The following DDX1 variants were observed in gnomAD, a reference collection of about 807,000 sequenced individuals.
DDX1 encodes DEAD-box helicase 1, also known as ATP-dependent RNA helicase DDX1.
In DDX1, 28 loss-of-function variants were observed where a neutral mutation model predicts 108.7. The ratio of observed to expected loss-of-function variants is 0.26; its 90% confidence interval spans 0.19 to 0.35. The LOEUF (loss-of-function observed/expected upper bound fraction) is 0.35, where lower values mean the gene tolerates loss of function less well. DDX1 is among the 10% of genes least tolerant of loss of function. The probability of loss-of-function intolerance (pLI) is 1.00; values close to 1 mark genes in which losing one functional copy is unlikely to be tolerated. For missense variants in DDX1, 710 were observed against 884.5 expected (o/e 0.80, Z 2.50); for synonymous variants, 295 against 288.9 (o/e 1.02, Z -0.21).
At chr2:15,592,539 C>T (rs941700399) in intron 1 of DDX1, among the ~76,000 whole-genome samples, 3 of 152,130 alleles carry the variant, frequency 2.0e-5, no homozygotes, top group Non-Finnish European at 2.9e-5. Context: ...CATTAACGTA[C>T]GCACCAGTCC....
intron 13 of DDX1, among the ~76,000 whole-genome samples, chr2:15,609,352 T>C (rs561796019): frequency 3.0e-4 from 45 of 152,360 alleles, no homozygotes; most frequent in Middle Eastern, 6.8e-3. Flanking sequence ...GACATTTTCT[T>C]TCTTAAAACC....
chr2:15,608,890 A>C (rs1439705268), intron 13 of DDX1, among the ~76,000 whole-genome samples: 1 of 152,146 alleles, frequency 6.6e-6, no homozygotes, highest in Non-Finnish European at 1.5e-5. Flanking sequence ...GAACAAACTT[A>C]TTTAGGGATA....
At position 15,591,879 on chromosome 2, in the gene DDX1, G is replaced by T. The variant is rs1280651642; in HGVS notation, c.-55G>T. 16 of 1,466,224 alleles carry T rather than the reference G, an allele frequency of 1.1e-5. No individual in the cohort carries two copies. In the South Asian group the frequency reaches 1.9e-4, roughly 17 times the overall value. The allele number at this position is 1,466,224 out of a possible 1,614,324, so 90.8% of individuals were successfully genotyped here. Reference sequence around the variant, plus strand: ...AAGCGCGCGCCGCCACTGCCACGCCGTGTCAGTCGGGAGGGAGGGAGCGAG... The same window carrying T: ...AAGCGCGCGCCGCCACTGCCACGCCTTGTCAGTCGGGAGGGAGGGAGCGAG... On this transcript the variant is annotated 5_prime_UTR_variant, in exon 1 of 26. Coordinates refer to ENST00000233084, the MANE Select transcript of DDX1 (RefSeq NM_004939.3).
intron 15 of DDX1, among the ~76,000 whole-genome samples, 191 bp from the exon 16 acceptor site, chr2:15,617,990 A>G (rs4668944): frequency 0.66 from 100,931 of 152,080 alleles, 34,514 homozygotes; most frequent in East Asian, 0.89. Context: ...TAGTCACAAG[A>G]AACTTAAAAT....
chr2:15,611,799 A>C (rs1243846798), intron 13 of DDX1, among the ~76,000 whole-genome samples: 1 of 66,096 alleles, frequency 1.5e-5, no homozygotes. Flanking sequence ...TGACCCCCCC[A>C]CCTCCCTCCC....
At chr2:15,593,308 C>A (rs1016069025) in intron 1 of DDX1, among the ~76,000 whole-genome samples, 4 of 152,102 alleles carry the variant, frequency 2.6e-5, no homozygotes, top group Non-Finnish European at 5.9e-5. Flanking sequence ...GATTTTAGAG[C>A]CAAGGTCTGT....
At chr2:15,596,397 G>A (rs1395112527) in intron 3 of DDX1, among the ~76,000 whole-genome samples, 1 of 152,174 alleles carries the variant, frequency 6.6e-6, no homozygotes, top group Non-Finnish European at 1.5e-5. Context: ...GAATTTGAGT[G>A]TTAGTCTTCT....
chr2:15,611,838 C>A (rs1198894722), intron 13 of DDX1, among the ~76,000 whole-genome samples: 2 of 101,838 alleles, frequency 2.0e-5, no homozygotes, highest in African/African-American at 4.8e-5. Context: ...GGCAGAGGGG[C>A]TCCTCACTTC....
intron 13 of DDX1, among the ~76,000 whole-genome samples, chr2:15,612,723 C>T (rs550676723): frequency 1.5e-3 from 234 of 152,338 alleles, no homozygotes; most frequent in African/African-American, 5.4e-3. Context: ...CAACATTGAG[C>T]ACTGAGTGAG....
intron 13 of DDX1, among the ~76,000 whole-genome samples, chr2:15,611,526 C>T (rs1202483642): frequency 1.4e-5 from 2 of 141,458 alleles, no homozygotes; most frequent in African/African-American, 2.7e-5. Context: ...GACCCCCCCA[C>T]CTCCCTCCCG....
chr2:15,630,202 G>A (rs1666170407), intron 25 of DDX1, 92 bp downstream of exon 25: 2 of 1,285,838 alleles, frequency 1.6e-6, no homozygotes, highest in Non-Finnish European at 1.1e-6. Context: ...ATTTCATTAG[G>A]TTAAGAGTAT....
chr2:15,603,075 C>T (rs1382198245), intron 7 of DDX1, 117 bp from the exon 8 acceptor site: 1 of 686,488 alleles, frequency 1.5e-6, no homozygotes, highest in African/African-American at 1.8e-5. Flanking sequence ...ACAAATATAC[C>T]TATAATTCTT....
At chr2:15,596,666 A>G in intron 3 of DDX1, 68 bp from the exon 4 acceptor site, 4 of 1,304,412 alleles carry the variant, frequency 3.1e-6, no homozygotes, top group South Asian at 1.2e-5. Flanking sequence ...TCTACATACT[A>G]TGGTGTTAGT....
At chr2:15,599,645 CTT>C (rs746744598) in intron 5 of DDX1, 22 bp from the exon 6 acceptor site, 5 of 1,579,484 alleles carry the variant, frequency 3.2e-6, no homozygotes, top group Non-Finnish European at 3.4e-6. Flanking sequence ...CTGTGGGTAA[CTT>C]TTCTTATTTT....
At chr2:15,593,042 T>A (rs1031815677) in intron 1 of DDX1, among the ~76,000 whole-genome samples, 5 of 152,084 alleles carry the variant, frequency 3.3e-5, no homozygotes, top group Non-Finnish European at 5.9e-5. Context: ...TGCCTCAGCC[T>A]CCTGAGTAGC....
chr2:15,608,191 T>C (rs1350747209), intron 13 of DDX1, among the ~76,000 whole-genome samples: 1 of 152,206 alleles, frequency 6.6e-6, no homozygotes, highest in African/African-American at 2.4e-5. Context: ...TTAATTACTT[T>C]TTAAACTTGA....
chr2:15,619,528 C>T (rs892881498), intron 16 of DDX1, among the ~76,000 whole-genome samples: 17 of 152,250 alleles, frequency 1.1e-4, no homozygotes, highest in Admixed American at 1.1e-3. Context: ...GCAGCAGCTG[C>T]TCCTGACGGC....
Position 15,620,335 on chromosome 2 carries a change from T to G in DDX1, c.1334T>G (p.Val445Gly), listed in dbSNP as rs1665981233. 6.2e-7 allele frequency: 1 copy of G among 1,614,066 alleles called. No individual in the cohort carries two copies. The highest frequency in any genetic ancestry group is 8.5e-7 in the Non-Finnish European group (1 of 1,179,988). The change falls in exon 17 of 26, where the codon GTT becomes GGT. Residue 445 changes from valine to glycine, a missense_variant. Val to Gly is a moderately radical substitution (Grantham distance 109, BLOSUM62 -3). Around this residue, in one of 3 missense-constraint regions of DDX1, gnomAD observed 661 missense variants for 810.2 expected, o/e 0.82. Coordinates refer to ENST00000233084, the MANE Select transcript of DDX1 (RefSeq NM_004939.3). ...DSVPDTVHHV[V>G]VPVNPKTDRL... ...GTTCCAGATACTGTACACCATGTTGTTGTCCCAGTAAATCCCAAAACTGAC... is the reference window on the plus strand; with the variant it reads ...GTTCCAGATACTGTACACCATGTTGGTGTCCCAGTAAATCCCAAAACTGAC...
At chr2:15,623,290 G>T (rs1215936012) in intron 18 of DDX1, 146 bp from the exon 19 acceptor site, 2 of 672,884 alleles carry the variant, frequency 3.0e-6, no homozygotes, top group Non-Finnish European at 4.9e-6. Context: ...TTTACTTCTT[G>T]TCCTTATCTA....
Sources: allele counts gnomAD v4.1 joint callset (sites outside exome capture counted in the v4.1 genomes callset), GRCh38; gene constraint gnomAD v4.1.1; regional missense constraint gnomAD v4.1.1; transcripts MANE v1.5; gene names NCBI Gene and HGNC (gene_info 2026-07-23, HGNC 2026-07-21).